PHACTR1: variants seen among roughly 807,000 people sequenced by gnomAD.
The protein encoded by PHACTR1 is phosphatase and actin regulator 1, also known as RPEL repeat containing 1.
PHACTR1 carries 16 observed loss-of-function variants against 69.2 expected under a neutral mutation model. The observed-to-expected ratio is 0.23, with a 90% CI of 0.16 to 0.35. The LOEUF (loss-of-function observed/expected upper bound fraction) is 0.35. Among genes scored for constraint, PHACTR1 ranks in the 10% least tolerant of loss-of-function variants. PHACTR1 has a pLI of 1.00. For missense variants in PHACTR1, 510 were observed against 734.7 expected, an observed-to-expected ratio of 0.69 and a Z score of 3.54; for synonymous variants, 312 against 284.5, an observed-to-expected ratio of 1.10 and a Z score of -0.97.
chr6:13,226,698 T>C (rs1175383522), intron 8 of PHACTR1, among the ~76,000 whole-genome samples: 1 of 152,138 alleles, frequency 6.6e-6, no homozygotes, highest in African/African-American at 2.4e-5. Context: ...TTATTTTTGA[T>C]GACACGCATG....
chr6:12,958,164 T>G (rs979451421), intron 4 of PHACTR1: 1 of 504,182 alleles, frequency 2.0e-6, no homozygotes, highest in Non-Finnish European at 2.6e-6. Flanking sequence ...ATCAATAGAT[T>G]TGGTTTTGAA....
At chr6:12,998,999 G>T (rs1468910526) in intron 4 of PHACTR1, among the ~76,000 whole-genome samples, 1 of 152,198 alleles carries the variant, frequency 6.6e-6, no homozygotes, top group Non-Finnish European at 1.5e-5. Flanking sequence ...ATACACTGTT[G>T]ATGAGAGGGT....
intron 4 of PHACTR1, among the ~76,000 whole-genome samples, chr6:12,801,016 A>G (rs1773635147): frequency 6.6e-6 from 1 of 152,252 alleles, no homozygotes; most frequent in African/African-American, 2.4e-5. Flanking sequence ...GTTATTGGGA[A>G]AACAGTACAG....
At chr6:12,961,793 A>G (rs1024035350) in intron 4 of PHACTR1, among the ~76,000 whole-genome samples, 5 of 152,152 alleles carry the variant, frequency 3.3e-5, no homozygotes, top group Non-Finnish European at 7.4e-5. Context: ...TCCAAGACTG[A>G]GGTACTGGTA....
At chr6:12,934,766 G>A (rs1164392586) in intron 4 of PHACTR1, among the ~76,000 whole-genome samples, 1 of 152,038 alleles carries the variant, frequency 6.6e-6, no homozygotes, top group African/African-American at 2.4e-5. Context: ...AGCCTGGGAA[G>A]CAGAGGTTGC....
intron 4 of PHACTR1, among the ~76,000 whole-genome samples, chr6:12,795,714 G>A (rs1772898654): frequency 6.6e-6 from 1 of 150,902 alleles, no homozygotes; most frequent in African/African-American, 2.4e-5. Context: ...TCTATATAAG[G>A]AACAACATCA....
At chr6:12,768,512 T>C (rs535502960) in intron 4 of PHACTR1, among the ~76,000 whole-genome samples, 1 of 152,148 alleles carries the variant, frequency 6.6e-6, no homozygotes, top group East Asian at 2.0e-4. Context: ...AGAATGGAGA[T>C]TGGATTTTAC....
chr6:12,984,385 G>A (rs927721140), intron 4 of PHACTR1, among the ~76,000 whole-genome samples: 1 of 152,212 alleles, frequency 6.6e-6, no homozygotes, highest in Non-Finnish European at 1.5e-5. Context: ...AAGGAGGCAG[G>A]CGATGTGAGA....
chr6:12,986,111 C>T (rs1220188742), intron 4 of PHACTR1, among the ~76,000 whole-genome samples: 2 of 152,188 alleles, frequency 1.3e-5, no homozygotes, highest in African/African-American at 2.4e-5. Context: ...GCTGGGATTA[C>T]AGTCATGAGC....
At position 12,879,810 on chromosome 6, in the gene PHACTR1, A is replaced by G. The variant is rs78776885; in HGVS notation, c.250+130020A>G. ...TAGACAGTTTGACTTCATAACCTTT[A>G]CTTCTCTACCCCACCTCTTCCACAA... On this transcript the variant is annotated intron_variant, in intron 4 of 14. Transcript: ENST00000332995. Among the ~76,000 whole-genome samples the G allele has an allele frequency of 4.8e-3, 733 of 152,250 alleles. 2 individuals are homozygous for G. Among genetic ancestry groups the G allele is most frequent in the Non-Finnish European group, 7.6e-3 (514 of 68,024 alleles).
At chr6:12,741,596 T>C (rs1251101069) in intron 3 of PHACTR1, among the ~76,000 whole-genome samples, 1 of 152,168 alleles carries the variant, frequency 6.6e-6, no homozygotes, top group Non-Finnish European at 1.5e-5. Context: ...GTAGATTCTG[T>C]ATGCTTTTCT....
intron 5 of PHACTR1, among the ~76,000 whole-genome samples, chr6:13,140,831 G>A (rs1371856660): frequency 6.6e-6 from 1 of 152,144 alleles, no homozygotes; most frequent in East Asian, 1.9e-4. Flanking sequence ...TCAGTACCAT[G>A]GAACTAATAG....
chr6:13,032,824 G>T (rs961706404), intron 4 of PHACTR1, among the ~76,000 whole-genome samples: 1 of 152,022 alleles, frequency 6.6e-6, no homozygotes, highest in African/African-American at 2.4e-5. Flanking sequence ...ACCCAGGTTG[G>T]TCTTGAACTC....
In PHACTR1 at chr6:13,281,087, C is replaced by T. The variant is rs1409192308; in HGVS notation, c.1510-2335C>T. On this transcript the variant is annotated intron_variant, in intron 12 of 14. Transcript: ENST00000332995. ...TGGAAAGACGGTGTCCAAGGCCCCG[C>T]GATGTTCAGGCATAAGAAACAGCCC... 14 of 1,289,406 alleles carry T rather than the reference C, an allele frequency of 1.1e-5. No individual in the cohort carries two copies. The East Asian group carries it at 1.7e-4, about 15-fold the overall frequency. 79.9% of individuals were successfully genotyped at this position (1,289,406 alleles called of 1,614,324 possible). A position where few individuals can be genotyped will look rare whatever the true frequency, so the allele number is the denominator to read the frequency against.
intron 5 of PHACTR1, among the ~76,000 whole-genome samples, chr6:13,066,494 G>A (rs1417765889): frequency 6.6e-6 from 1 of 152,170 alleles, no homozygotes; most frequent in Non-Finnish European, 1.5e-5. Flanking sequence ...GCACAGGTTA[G>A]GCTAAATGAC....
At chr6:13,019,096 G>C (rs1749420752) in intron 4 of PHACTR1, among the ~76,000 whole-genome samples, 1 of 136,556 alleles carries the variant, frequency 7.3e-6, no homozygotes, top group Admixed American at 7.6e-5. Context: ...TCTTTTTGTA[G>C]AGACAGGATT....
intron 7 of PHACTR1, among the ~76,000 whole-genome samples, chr6:13,205,315 C>T (rs532787901): frequency 6.6e-6 from 1 of 152,242 alleles, no homozygotes; most frequent in South Asian, 2.1e-4. Context: ...ATGAGGGATC[C>T]ACACCCGTGA....
chr6:13,006,459 C>T (rs1411618038), intron 4 of PHACTR1, among the ~76,000 whole-genome samples: 2 of 152,084 alleles, frequency 1.3e-5, no homozygotes, highest in Non-Finnish European at 2.9e-5. Flanking sequence ...ATTGTGTGAC[C>T]TGGGAAATTC....
At chr6:13,006,116 A>G (rs1185680084) in intron 4 of PHACTR1, among the ~76,000 whole-genome samples, 1 of 152,172 alleles carries the variant, frequency 6.6e-6, no homozygotes, top group African/African-American at 2.4e-5. Context: ...CCAGTACACA[A>G]CTACAGTGTG....
Sources: gnomAD v4.1 joint callset for allele counts (sites outside exome capture counted in the v4.1 genomes callset) on GRCh38, gnomAD v4.1.1 for gene constraint, MANE v1.5 for transcripts, NCBI Gene and HGNC (gene_info 2026-07-23, HGNC 2026-07-21) for gene names.